The following GALNT17 variants were observed in gnomAD, a reference collection of about 807,000 sequenced individuals.
The protein encoded by GALNT17 is UDP-GalNAc:polypeptide N-acetylgalactosaminyltransferase-like 3.
GALNT17 carries 29 observed loss-of-function variants against 63.7 expected under a neutral mutation model. That is an observed-to-expected ratio of 0.46 (90% CI 0.34 to 0.62). The LOEUF (loss-of-function observed/expected upper bound fraction) is 0.62. Among genes scored for constraint, GALNT17 ranks in the 20% least tolerant of loss-of-function variants. GALNT17 has a pLI of 0.01. For missense variants in GALNT17, 603 were observed against 799.6 expected, an observed-to-expected ratio of 0.75 and a Z score of 2.97; for synonymous variants, 305 against 318.3, an observed-to-expected ratio of 0.96 and a Z score of 0.45.
intron 5 of GALNT17, among the ~76,000 whole-genome samples, chr7:71,543,128 G>T (rs1413142098): frequency 1.3e-5 from 2 of 151,674 alleles, no homozygotes; most frequent in African/African-American, 2.4e-5. Context: ...TTGAGTTATG[G>T]TTTCATTTCA....
intron 5 of GALNT17, among the ~76,000 whole-genome samples, chr7:71,537,478 T>C (rs1245295466): frequency 6.6e-6 from 1 of 151,896 alleles, no homozygotes; most frequent in Non-Finnish European, 1.5e-5. Context: ...GCATCTGAGA[T>C]TGTTTATGTG....
intron 6 of GALNT17, among the ~76,000 whole-genome samples, chr7:71,632,211 C>T (rs995879799): frequency 6.6e-6 from 1 of 152,192 alleles, no homozygotes; most frequent in Non-Finnish European, 1.5e-5. Flanking sequence ...TCCGGCCAAG[C>T]TTTTCCACTG....
At chr7:71,209,676 TG>T (rs1562917399) in intron 1 of GALNT17, among the ~76,000 whole-genome samples, 2 of 151,890 alleles carry the variant, frequency 1.3e-5, no homozygotes, top group African/African-American at 4.8e-5. Context: ...TTCTATTTTT[TG>T]TAGAGTCAGC....
At chr7:71,344,466 G>T (rs2116141925) in intron 2 of GALNT17, among the ~76,000 whole-genome samples, 1 of 152,246 alleles carries the variant, frequency 6.6e-6, no homozygotes, top group East Asian at 1.9e-4. Context: ...GCTGGGAAGT[G>T]CCTCATGTTC....
Position 71,589,909 on chromosome 7 carries a change from C to T in GALNT17, c.1080+18507C>T, listed in dbSNP as rs893971565. ...TAACTGTGACAATATTGCAGATACA[C>T]GGTGACGCAGTCATATGGTAGGTGC... On this transcript the variant is annotated intron_variant, in intron 6 of 10. Coordinates refer to ENST00000333538, the MANE Select transcript of GALNT17 (RefSeq NM_022479.3). Among the ~76,000 whole-genome samples, 4 of 152,132 alleles carry T rather than the reference C, an allele frequency of 2.6e-5. No individual in the cohort carries two copies. In the South Asian group the frequency reaches 6.2e-4, roughly 24 times the overall value.
intron 1 of GALNT17, among the ~76,000 whole-genome samples, chr7:71,334,657 G>C (rs1457238435): frequency 6.6e-6 from 1 of 152,194 alleles, no homozygotes; most frequent in African/African-American, 2.4e-5. Flanking sequence ...TCACCATCCT[G>C]GGAGCTTGCA....
intron 5 of GALNT17, among the ~76,000 whole-genome samples, chr7:71,473,378 A>G (rs1379397888): frequency 1.3e-5 from 2 of 152,190 alleles, no homozygotes; most frequent in African/African-American, 4.8e-5. Context: ...TTCTCTGCAG[A>G]TACACATTTT....
chr7:71,497,048 C>T (rs1788108416), intron 5 of GALNT17, among the ~76,000 whole-genome samples: 1 of 152,128 alleles, frequency 6.6e-6, no homozygotes. Flanking sequence ...ACTGGTGACA[C>T]AGTGAGACCC....
chr7:71,535,693 G>A (rs1788792202), intron 5 of GALNT17, among the ~76,000 whole-genome samples: 1 of 152,150 alleles, frequency 6.6e-6, no homozygotes, highest in African/African-American at 2.4e-5. Flanking sequence ...TGTCTCTGGA[G>A]TTTGCATCAA....
At chr7:71,168,799 A>T (rs995664820) in intron 1 of GALNT17, among the ~76,000 whole-genome samples, 6 of 151,984 alleles carry the variant, frequency 3.9e-5, no homozygotes, top group Admixed American at 2.6e-4. Flanking sequence ...TAACTTTTTT[A>T]AAAAGTTGTT....
chr7:71,662,960 T>A (rs648415), intron 6 of GALNT17, among the ~76,000 whole-genome samples: 2 of 152,034 alleles, frequency 1.3e-5, no homozygotes, highest in African/African-American at 4.8e-5. Context: ...AAGATATTAT[T>A]CCTTAGCCCA....
chr7:71,311,177 G>A (rs1349304848), intron 1 of GALNT17, among the ~76,000 whole-genome samples: 2 of 152,170 alleles, frequency 1.3e-5, no homozygotes, highest in African/African-American at 4.8e-5. Flanking sequence ...TATTTGACCA[G>A]TTAACCCTAC....
At chr7:71,690,425 A>G (rs949227959) in intron 9 of GALNT17, among the ~76,000 whole-genome samples, 2 of 152,088 alleles carry the variant, frequency 1.3e-5, no homozygotes, top group African/African-American at 4.8e-5. Flanking sequence ...ATGGTCACCT[A>G]GGAGCTCTGA....
At chr7:71,304,413 C>T (rs1340075594) in intron 1 of GALNT17, among the ~76,000 whole-genome samples, 1 of 152,156 alleles carries the variant, frequency 6.6e-6, no homozygotes, top group Non-Finnish European at 1.5e-5. Flanking sequence ...TTCCCCTTTG[C>T]CCCTTTGGGT....
intron 5 of GALNT17, among the ~76,000 whole-genome samples, chr7:71,486,341 AATAATAAT>A (rs1787908294): frequency 1.1e-4 from 1 of 9,002 alleles, no homozygotes; most frequent in Admixed American, 1.5e-3. Context: ...TGAAAATAAT[AATAATAAT>A]AATAATAATA....
intron 1 of GALNT17, among the ~76,000 whole-genome samples, chr7:71,268,874 A>C (rs1384643942): frequency 6.6e-6 from 1 of 152,094 alleles, no homozygotes; most frequent in East Asian, 1.9e-4. Context: ...GCAGCAATAG[A>C]GTGGCCTACA....
chr7:71,226,271 CTG>C (rs746027303), intron 1 of GALNT17, among the ~76,000 whole-genome samples: 41 of 152,252 alleles, frequency 2.7e-4, no homozygotes, highest in Non-Finnish European at 4.9e-4. Flanking sequence ...TCTTAAGTGT[CTG>C]TGGTTTGGAT....
intron 5 of GALNT17, among the ~76,000 whole-genome samples, chr7:71,511,824 C>T (rs942456487): frequency 6.6e-6 from 1 of 152,030 alleles, no homozygotes; most frequent in African/African-American, 2.4e-5. Flanking sequence ...TTGGATTGCC[C>T]AGGGGTCCCT....
intron 1 of GALNT17, among the ~76,000 whole-genome samples, chr7:71,268,568 TAAATA>T (rs1790532182): frequency 6.7e-6 from 1 of 148,984 alleles, no homozygotes; most frequent in Non-Finnish European, 1.5e-5. Context: ...AATAAATAAA[TAAATA>T]AATAAATAAA....
Sources: allele counts gnomAD v4.1 joint callset (sites outside exome capture counted in the v4.1 genomes callset), GRCh38; gene constraint gnomAD v4.1.1; transcripts MANE v1.5; gene names NCBI Gene and HGNC (gene_info 2026-07-23, HGNC 2026-07-21).